ZNG1B: variants seen among roughly 807,000 people sequenced by gnomAD.
The protein encoded by ZNG1B is zinc-regulated GTPase metalloprotein activator 1B.
At chr2:113,474,895 A>T in the ZNG1B span, among the ~76,000 whole-genome samples, 2 of 149,826 alleles carry the variant, frequency 1.3e-5, no homozygotes, top group Admixed American at 1.3e-4. Flanking sequence ...TGCTGAGGAG[A>T]GCTTTACTTC....
the ZNG1B span, among the ~76,000 whole-genome samples, chr2:113,488,333 G>A: frequency 2.2e-4 from 34 of 152,218 alleles, no homozygotes; most frequent in African/African-American, 7.2e-4. Context: ...ACTACATCAA[G>A]GGAACACCCC....
chr2:113,440,135 C>T, the ZNG1B span, among the ~76,000 whole-genome samples: 2 of 151,776 alleles, frequency 1.3e-5, no homozygotes, highest in African/African-American at 4.8e-5. Context: ...CCGCCCGCCT[C>T]GGCCTCCCAA....
chr2:113,472,116 C>T, the ZNG1B span, among the ~76,000 whole-genome samples: 1 of 148,278 alleles, frequency 6.7e-6, no homozygotes, highest in Admixed American at 6.7e-5. Context: ...TAAAAGTGTT[C>T]CTATTTCTCC....
At chr2:113,439,246 G>C in the ZNG1B span, 10 of 1,482,582 alleles carry the variant, frequency 6.7e-6, no homozygotes, top group Admixed American at 1.8e-4. Context: ...CTGAAACACT[G>C]TTCTTTTGGC....
At chr2:113,478,166 C>T in the ZNG1B span, among the ~76,000 whole-genome samples, 1 of 152,148 alleles carries the variant, frequency 6.6e-6, no homozygotes, top group Non-Finnish European at 1.5e-5. Context: ...TGAAAATGGA[C>T]ATGTCTCTGG....
chr2:113,492,339 G>A, the ZNG1B span, among the ~76,000 whole-genome samples: 2 of 132,246 alleles, frequency 1.5e-5, 1 homozygote, highest in Non-Finnish European at 3.2e-5. Flanking sequence ...AATGGCATTC[G>A]CAGTGACCTG....
the ZNG1B span, chr2:113,444,223 A>G: frequency 1.9e-5 from 7 of 367,534 alleles, no homozygotes; most frequent in South Asian, 2.8e-5. Context: ...CTATCAAAAA[A>G]GAGAAAAACC....
At chr2:113,471,787 C>G in the ZNG1B span, among the ~76,000 whole-genome samples, 1 of 151,930 alleles carries the variant, frequency 6.6e-6, no homozygotes, top group Non-Finnish European at 1.5e-5. Flanking sequence ...CCAATTTCAT[C>G]CATGTCCCTA....
chr2:113,476,707 CCTTT>C, the ZNG1B span, among the ~76,000 whole-genome samples: 5 of 151,604 alleles, frequency 3.3e-5, no homozygotes, highest in Admixed American at 2.6e-4. Context: ...GTGTGGATGT[CCTTT>C]CTGTTTGTTA....
At chr2:113,475,673 AG>A in the ZNG1B span, among the ~76,000 whole-genome samples, 1 of 151,964 alleles carries the variant, frequency 6.6e-6, no homozygotes, top group Admixed American at 6.6e-5. Flanking sequence ...GAGCTCTTTT[AG>A]GGCAGGCCTG....
chr2:113,448,830 G>C, the ZNG1B span, among the ~76,000 whole-genome samples: 5 of 151,340 alleles, frequency 3.3e-5, no homozygotes, highest in Admixed American at 3.3e-4. Flanking sequence ...CTTGAACCCG[G>C]GAGACGGAGG....
the ZNG1B span, among the ~76,000 whole-genome samples, chr2:113,488,362 A>T: frequency 6.6e-6 from 1 of 152,208 alleles, no homozygotes; most frequent in South Asian, 2.1e-4. Flanking sequence ...AAAGAATCTG[A>T]ACAACAACCT....
At chr2:113,477,181 G>A in the ZNG1B span, among the ~76,000 whole-genome samples, 485 of 152,270 alleles carry the variant, frequency 3.2e-3, 6 homozygotes, top group African/African-American at 0.011. Context: ...CTCCGTGGGC[G>A]TGGGACCCTC....
chr2:113,477,552 T>C, the ZNG1B span, among the ~76,000 whole-genome samples: 4 of 152,218 alleles, frequency 2.6e-5, no homozygotes, highest in Admixed American at 6.5e-5. Flanking sequence ...TCTCCTCTCT[T>C]CACTTTAATA....
the ZNG1B span, among the ~76,000 whole-genome samples, chr2:113,477,380 C>T: frequency 3.3e-5 from 5 of 152,218 alleles, no homozygotes; most frequent in South Asian, 8.3e-4. Context: ...CTTCGGCTCG[C>T]GGATGGTGCA....
chr2:113,475,743 T>G, the ZNG1B span, among the ~76,000 whole-genome samples: 21 of 152,184 alleles, frequency 1.4e-4, no homozygotes, highest in South Asian at 4.4e-3. Context: ...TCTCCTTCAC[T>G]TATGAAGCTT....
At chr2:113,457,736 C>T in the ZNG1B span, among the ~76,000 whole-genome samples, 1 of 140,598 alleles carries the variant, frequency 7.1e-6, no homozygotes, top group African/African-American at 2.6e-5. Flanking sequence ...ACCTATCCAT[C>T]ACCTCACATT....
chr2:113,462,627 T>C, the ZNG1B span: 4 of 975,578 alleles, frequency 4.1e-6, no homozygotes, highest in African/African-American at 4.9e-5. Context: ...GGGAATCACA[T>C]ATATTGTTGA....
chr2:113,494,973 T>C, the ZNG1B span: 1 of 871,874 alleles, frequency 1.1e-6, no homozygotes, highest in South Asian at 2.7e-5. Context: ...AATTCACAAA[T>C]AATTGGAATT....
Sources: gnomAD v4.1 joint callset for allele counts (sites outside exome capture counted in the v4.1 genomes callset) on GRCh38, gnomAD v4.1.1 for gene constraint, MANE v1.5 for transcripts, NCBI Gene and HGNC (gene_info 2026-07-23, HGNC 2026-07-21) for gene names.